ANKRD44: variants seen among roughly 807,000 people sequenced by gnomAD.
ANKRD44 encodes ankyrin repeat domain 44, also known as serine/threonine-protein phosphatase 6 regulatory ankyrin repeat subunit B.
ANKRD44 carries 35 observed loss-of-function variants against 116.0 expected under a neutral mutation model. The ratio of observed to expected loss-of-function variants is 0.30; its 90% CI spans 0.23 to 0.40. The LOEUF is 0.40. Ranked by LOEUF, ANKRD44 falls within the 10% of genes least tolerant of loss-of-function variation. The pLI is 1.00. For synonymous variants in ANKRD44, 435 were observed against 461.8 expected, an observed-to-expected ratio of 0.94 and a Z score of 0.74; for missense variants, 1,014 against 1,242.6, an observed-to-expected ratio of 0.82 and a Z score of 2.77.
At chr2:197,230,697 C>G (rs1348855485) in intron 1 of ANKRD44, among the ~76,000 whole-genome samples, 3 of 152,192 alleles carry the variant, frequency 2.0e-5, no homozygotes, top group African/African-American at 7.2e-5. Context: ...CCCACAGTAA[C>G]AGTTTCTTTC....
intron 3 of ANKRD44, among the ~76,000 whole-genome samples, chr2:197,142,170 T>C (rs1456925462): frequency 6.6e-6 from 1 of 152,220 alleles, no homozygotes; most frequent in East Asian, 1.9e-4. Context: ...CTCTTAATTT[T>C]ATTTTCATAG....
At chr2:197,006,375 G>T (rs894333564) in intron 20 of ANKRD44, among the ~76,000 whole-genome samples, 1 of 152,168 alleles carries the variant, frequency 6.6e-6, no homozygotes, top group African/African-American at 2.4e-5. Flanking sequence ...AACCTGGGAG[G>T]CAGAGCTTGC....
intron 4 of ANKRD44, among the ~76,000 whole-genome samples, chr2:197,132,245 G>A (rs576621534): frequency 8.5e-5 from 13 of 152,298 alleles, no homozygotes; most frequent in South Asian, 4.1e-4. Context: ...GGAAAGGGTC[G>A]TGGAATTGTG....
intron 16 of ANKRD44, among the ~76,000 whole-genome samples, chr2:197,037,871 G>T (rs1280168915): frequency 6.6e-6 from 1 of 152,168 alleles, no homozygotes; most frequent in Non-Finnish European, 1.5e-5. Context: ...GAGCCCAGGA[G>T]GTTGAGGCTG....
At chr2:197,157,675 CAAAAAAAAAAA>C (rs35588359) in intron 2 of ANKRD44, among the ~76,000 whole-genome samples, 2 of 83,088 alleles carry the variant, frequency 2.4e-5, no homozygotes, top group African/African-American at 1.1e-4. Context: ...GAGACTCTGT[CAAAAAAAAAAA>C]AAAAAAAAAA....
At chr2:196,999,310 T>C (rs764235060) in intron 23 of ANKRD44, among the ~76,000 whole-genome samples, 5 of 152,210 alleles carry the variant, frequency 3.3e-5, no homozygotes, top group Non-Finnish European at 7.3e-5. Flanking sequence ...ACTGACTCTT[T>C]AATCTTAAGT....
chr2:197,051,558 C>T (rs2077108189), intron 16 of ANKRD44, among the ~76,000 whole-genome samples: 1 of 152,204 alleles, frequency 6.6e-6, no homozygotes. Flanking sequence ...GCACAACACA[C>T]ACCCAGCTTA....
chr2:197,097,754 G>A (rs1268077021), intron 10 of ANKRD44, among the ~76,000 whole-genome samples: 2 of 152,158 alleles, frequency 1.3e-5, no homozygotes, highest in Admixed American at 6.5e-5. Flanking sequence ...CTATCAGAGC[G>A]AACTTTCTTA....
At chr2:197,167,545 T>C (rs1275940281) in intron 2 of ANKRD44, among the ~76,000 whole-genome samples, 1 of 152,226 alleles carries the variant, frequency 6.6e-6, no homozygotes, top group Non-Finnish European at 1.5e-5. Context: ...ATTTCTACAG[T>C]TAAAGAAAAT....
chr2:197,246,701 T>G (rs192787156), intron 1 of ANKRD44, among the ~76,000 whole-genome samples: 95 of 152,256 alleles, frequency 6.2e-4, no homozygotes, highest in Non-Finnish European at 7.4e-5. Context: ...TTAAAACACC[T>G]ACAGTCATTC....
intron 13 of ANKRD44, among the ~76,000 whole-genome samples, chr2:197,085,350 G>A (rs2077894765): frequency 1.3e-5 from 2 of 152,196 alleles, no homozygotes; most frequent in African/African-American, 4.8e-5. Context: ...ACAGTCAGGT[G>A]GGGATGTCAG....
At chr2:197,266,313 C>A (rs1014957319) in intron 1 of ANKRD44, among the ~76,000 whole-genome samples, 2 of 151,884 alleles carry the variant, frequency 1.3e-5, no homozygotes, top group Non-Finnish European at 2.9e-5. Flanking sequence ...CCTCAAATAA[C>A]AGCTAAGAAC....
At chr2:197,161,309 C>A (rs1171680366) in intron 2 of ANKRD44, among the ~76,000 whole-genome samples, 1 of 151,860 alleles carries the variant, frequency 6.6e-6, no homozygotes, top group African/African-American at 2.4e-5. Context: ...GCACACCCAG[C>A]AAAAAAACGG....
At chr2:197,019,212 G>A (rs1574287115) in intron 17 of ANKRD44, among the ~76,000 whole-genome samples, 1 of 152,170 alleles carries the variant, frequency 6.6e-6, no homozygotes, top group South Asian at 2.1e-4. Flanking sequence ...ACACTTCTGG[G>A]ACTAACCTTT....
chr2:197,010,574 T>G (rs1417781480), intron 18 of ANKRD44, among the ~76,000 whole-genome samples: 1 of 152,176 alleles, frequency 6.6e-6, no homozygotes, highest in Non-Finnish European at 1.5e-5. Flanking sequence ...CCACAGGGGC[T>G]GGGAAGCAAA....
intron 1 of ANKRD44, among the ~76,000 whole-genome samples, chr2:197,243,443 A>G (rs2082130258): frequency 1.3e-5 from 2 of 152,244 alleles, no homozygotes; most frequent in African/African-American, 4.8e-5. Context: ...GTATGTGTTA[A>G]CTGAATCCAT....
chr2:197,252,657 T>TC (rs2082349221), intron 1 of ANKRD44, among the ~76,000 whole-genome samples: 1 of 152,176 alleles, frequency 6.6e-6, no homozygotes, highest in Non-Finnish European at 1.5e-5. Flanking sequence ...TCCGCCCACC[T>TC]CAGCCTGTCT....
intron 1 of ANKRD44, 120 bp downstream of exon 1, chr2:197,310,458 C>T: frequency 1.5e-6 from 1 of 678,068 alleles, no homozygotes; most frequent in South Asian, 6.2e-5. Flanking sequence ...GCACACAGTC[C>T]TCCCCTTCGC....
At chr2:197,133,056 T>G (rs1034019663) in intron 4 of ANKRD44, among the ~76,000 whole-genome samples, 15 of 152,218 alleles carry the variant, frequency 9.9e-5, no homozygotes, top group Non-Finnish European at 1.3e-4. Flanking sequence ...TAAGTGAAAC[T>G]ACAGCCTAAC....
Sources: gnomAD v4.1 joint callset for allele counts (sites outside exome capture counted in the v4.1 genomes callset) on GRCh38, gnomAD v4.1.1 for gene constraint, MANE v1.5 for transcripts, NCBI Gene and HGNC (gene_info 2026-07-23, HGNC 2026-07-21) for gene names.